The following DSCAML1 variants were observed in gnomAD, a reference collection of about 807,000 sequenced individuals.
The protein encoded by DSCAML1 is cell adhesion molecule DSCAML1.
A neutral mutation model predicts 200.5 loss-of-function variants in DSCAML1; 38 were observed. The ratio of observed to expected loss-of-function variants is 0.19; its 90% CI spans 0.15 to 0.25. DSCAML1 has a LOEUF of 0.25. Ranked by LOEUF, DSCAML1 falls within the 10% of genes least tolerant of loss-of-function variation. The pLI is 1.00. For synonymous variants in DSCAML1, 1,215 were observed against 1,165.0 expected, an observed-to-expected ratio of 1.04 and a Z score of -0.87; for missense variants, 2,223 against 2,858.8, an observed-to-expected ratio of 0.78 and a Z score of 5.07.
At chr11:117,550,894 T>C (rs1314896186) in intron 3 of DSCAML1, among the ~76,000 whole-genome samples, 1 of 152,242 alleles carries the variant, frequency 6.6e-6, no homozygotes, top group East Asian at 1.9e-4. Context: ...CTGGCCTGCC[T>C]GTATCTCTCT....
intron 19 of DSCAML1, among the ~76,000 whole-genome samples, chr11:117,452,896 TC>T (rs1261820870): frequency 6.6e-6 from 1 of 152,178 alleles, no homozygotes; most frequent in Non-Finnish European, 1.5e-5. Flanking sequence ...ATTTACCCTG[TC>T]CCAACCTTGC....
chr11:117,457,445 A>G (rs1388176269), intron 19 of DSCAML1, among the ~76,000 whole-genome samples: 1 of 152,222 alleles, frequency 6.6e-6, no homozygotes, highest in Non-Finnish European at 1.5e-5. Context: ...CTGGAGGCCA[A>G]AAGGTGCCTG....
At position 117,795,465 on chromosome 11, in the gene DSCAML1, G is replaced by C. The variant is rs371972808; in HGVS notation, c.46+1569C>G. 2.0e-5 allele frequency among the ~76,000 whole-genome samples: 3 copies of C among 152,252 alleles called. No individual in the cohort carries two copies. The East Asian group carries it at 5.8e-4, about 29-fold the overall frequency. ...AGGGAGACTGGGGTTCGGGGGTGGG[G>C]CTTGAACAGGAGGCAGGCTTCTTGC... On this transcript the variant is annotated intron_variant, in intron 1 of 32. Coordinates refer to ENST00000651296, the MANE Select transcript of DSCAML1 (RefSeq NM_020693.4).
rs774380266 is a variant in DSCAML1, at chr11:117,461,457, A to G, written c.3405T>C (p.Val1135=). 1.2e-6 allele frequency: 2 copies of G among 1,614,116 alleles called. No homozygotes were observed. Among genetic ancestry groups the G allele is most frequent in the Admixed American group, 1.7e-5 (1 of 60,028 alleles). ...CAGTCCCAGCAGACTCACCCCCATCAACATAGAGGGACCAGAAGATGACCC... is the reference window on the plus strand; with the variant it reads ...CAGTCCCAGCAGACTCACCCCCATCGACATAGAGGGACCAGAAGATGACCC... ...GYRVIFWSLY[V]DGEWGEMQNI... is the part of the protein sequence containing the mutation. The change falls in exon 18 of 33, where the codon GTT becomes GTC. Residue 1135 remains valine (V), a synonymous_variant. Transcript: ENST00000651296.
intron 3 of DSCAML1, among the ~76,000 whole-genome samples, chr11:117,715,615 T>G (rs2187181): frequency 1.4e-4 from 21 of 152,276 alleles, no homozygotes; most frequent in Non-Finnish European, 2.8e-4. Context: ...CCCCTGTGCC[T>G]GGCACAGGGC....
intron 1 of DSCAML1, among the ~76,000 whole-genome samples, chr11:117,816,928 T>A (rs1179980711): frequency 6.6e-6 from 1 of 152,116 alleles, no homozygotes; most frequent in Non-Finnish European, 1.5e-5. Flanking sequence ...TGTCTGAGGC[T>A]CTTCTTCCTC....
At chr11:117,720,115 G>A (rs1011718647) in intron 3 of DSCAML1, among the ~76,000 whole-genome samples, 2 of 152,064 alleles carry the variant, frequency 1.3e-5, no homozygotes, top group Non-Finnish European at 2.9e-5. Context: ...CCCCCACCCT[G>A]TGCCGAGTCA....
chr11:117,545,452 G>T (rs574866867), intron 3 of DSCAML1, among the ~76,000 whole-genome samples: 1 of 152,128 alleles, frequency 6.6e-6, no homozygotes, highest in South Asian at 2.1e-4. Context: ...TTGTGTTATG[G>T]CAGCCAGAGA....
chr11:117,778,743 C>T (rs1443638569), intron 2 of DSCAML1, among the ~76,000 whole-genome samples: 2 of 152,220 alleles, frequency 1.3e-5, no homozygotes, highest in Non-Finnish European at 2.9e-5. Context: ...TGACAGGAAA[C>T]ATGGTCCCTT....
chr11:117,578,236 G>GA (rs59533726), intron 3 of DSCAML1, among the ~76,000 whole-genome samples: 8,214 of 101,276 alleles, frequency 0.081, 1,160 homozygotes, highest in African/African-American at 0.3. Flanking sequence ...ACTCTGTCTC[G>GA]AAAAAAAAAA....
At chr11:117,801,940 C>A (rs1048626832), upstream of DSCAML1, 1 of 152,226 alleles carries the variant, frequency 6.6e-6, no homozygotes, top group Non-Finnish European at 1.5e-5. Context: ...GGTTGAGAAG[C>A]CAACCCAGAG....
chr11:117,797,087 A>G lies in DSCAML1; in HGVS notation c.-8T>C, dbSNP rs993434398. ...GAAAGTTACCAGCCACATGCCATAA[A>G]GAGGCCCTATTCTCCGGGGAGGTGG... On this transcript the variant is annotated 5_prime_UTR_variant, in exon 1 of 33. Transcript: ENST00000651296. 3 of 1,584,122 alleles carry G rather than the reference A, an allele frequency of 1.9e-6. No individual in the cohort carries two copies. The highest frequency in any genetic ancestry group is 2.8e-5 in the African/African-American group (2 of 71,822).
chr11:117,539,602 C>G (rs1228817026), intron 3 of DSCAML1, among the ~76,000 whole-genome samples: 2 of 49,828 alleles, frequency 4.0e-5, no homozygotes, highest in East Asian at 7.0e-4. Context: ...GAGTAAAACT[C>G]TGTCAAAAAA....
At chr11:117,556,801 T>C (rs2050566486) in intron 3 of DSCAML1, among the ~76,000 whole-genome samples, 1 of 152,186 alleles carries the variant, frequency 6.6e-6, no homozygotes, top group Non-Finnish European at 1.5e-5. Context: ...TCAAGGGCAC[T>C]AGGGAAGGGC....
intron 3 of DSCAML1, among the ~76,000 whole-genome samples, chr11:117,771,639 T>C (rs1373127229): frequency 6.6e-6 from 1 of 152,176 alleles, no homozygotes; most frequent in Non-Finnish European, 1.5e-5. Flanking sequence ...CGGCGGGAAG[T>C]AGAGGAACCG....
chr11:117,440,564 G>A (rs2048022780), intron 21 of DSCAML1, among the ~76,000 whole-genome samples: 1 of 152,180 alleles, frequency 6.6e-6, no homozygotes, highest in Admixed American at 6.5e-5. Flanking sequence ...GGGCTTTGTT[G>A]GCAGGGCCAG....
intron 19 of DSCAML1, among the ~76,000 whole-genome samples, chr11:117,453,824 A>C (rs1269501549): frequency 2.7e-5 from 4 of 148,906 alleles, no homozygotes; most frequent in Admixed American, 2.7e-4. Context: ...GCTGACTGCA[A>C]CCTCCGCCTC....
Position 117,735,262 on chromosome 11 carries a change from AGT to A in DSCAML1, c.511+41527_511+41528del, listed in dbSNP as rs1471837156. ...AATTTGAAGCCCAGGAACGCCAAAG[AGT>A]GTGTCTACGGCCACAGAGAATCCTG... On this transcript the variant is annotated intron_variant, in intron 3 of 32. Coordinates refer to ENST00000651296, the MANE Select transcript of DSCAML1 (RefSeq NM_020693.4). Among the ~76,000 whole-genome samples, 4 of 152,324 alleles carry A rather than the reference AGT, an allele frequency of 2.6e-5. No individual in the cohort carries two copies. The East Asian group carries it at 7.7e-4, about 29-fold the overall frequency.
intron 20 of DSCAML1, among the ~76,000 whole-genome samples, chr11:117,449,690 T>C (rs1268124343): frequency 3.9e-5 from 6 of 152,242 alleles, no homozygotes; most frequent in Admixed American, 1.3e-4. Flanking sequence ...GCCCCTCTAG[T>C]GTGCTCCCCT....
Sources: allele counts gnomAD v4.1 joint callset (sites outside exome capture counted in the v4.1 genomes callset), GRCh38; gene constraint gnomAD v4.1.1; transcripts MANE v1.5; gene names NCBI Gene and HGNC (gene_info 2026-07-23, HGNC 2026-07-21).